The following SPRED2 variants were observed in gnomAD, a reference collection of about 807,000 sequenced individuals.
SPRED2 encodes sprouty-related, EVH1 domain-containing protein 2.
In SPRED2, 47 loss-of-function variants were observed where a neutral mutation model predicts 43.0. That is an observed-to-expected ratio of 1.09 (90% CI 0.87 to 1.40). SPRED2 has a LOEUF of 1.40. Among genes scored for constraint, SPRED2 ranks in the 40% most tolerant of loss-of-function variants. The pLI, the probability that SPRED2 is intolerant of heterozygous loss-of-function variation, is 0.00. For missense variants in SPRED2, 561 were observed against 586.4 expected, an observed-to-expected ratio of 0.96 and a Z score of 0.45; for synonymous variants, 225 against 225.7, an observed-to-expected ratio of 1.00 and a Z score of 0.03.
chr2:65,332,466 A>G (rs1475167968), intron 3 of SPRED2, among the ~76,000 whole-genome samples: 2 of 152,244 alleles, frequency 1.3e-5, no homozygotes, highest in Non-Finnish European at 2.9e-5. Flanking sequence ...ACCTGCCACA[A>G]TCTACTGTGT....
chr2:65,316,954 A>G (rs1673259356), intron 4 of SPRED2, 71 bp from the exon 5 acceptor site: 29 of 1,496,338 alleles, frequency 1.9e-5, no homozygotes, highest in South Asian at 8.5e-5. Flanking sequence ...AAACCCTGAC[A>G]TGCACTATTC....
chr2:65,316,808 A>G lies in SPRED2; in HGVS notation c.514T>C (p.Cys172Arg). 4 of 1,613,718 alleles carry G rather than the reference A, an allele frequency of 2.5e-6. No homozygotes were observed. Among genetic ancestry groups the G allele is most frequent in the Non-Finnish European group, 3.4e-6 (4 of 1,179,870 alleles). Residue 172 changes from cysteine to arginine, a missense_variant, in exon 5 of 6, where the codon TGT becomes CGT. Transcript: ENST00000356388. Reference sequence around the variant, plus strand: ...AGGGTATAAATCCTCCGGTGCTCACAGGATGTGGGAGAGGAGATTGTCCGA... The same window carrying G: ...AGGGTATAAATCCTCCGGTGCTCACGGGATGTGGGAGAGGAGATTGTCCGA... Reference protein sequence around the residue: ...PTRTISSPTSCEHRRIYTLGH... With the variant: ...PTRTISSPTSREHRRIYTLGH...
intron 4 of SPRED2, among the ~76,000 whole-genome samples, chr2:65,327,503 A>T (rs748713738): frequency 2.0e-5 from 3 of 152,108 alleles, no homozygotes; most frequent in Non-Finnish European, 4.4e-5. Context: ...CGATAAAAAG[A>T]TCCTCCTCTT....
rs767767758 is a variant in SPRED2 at position 65,311,917 on chromosome 2, AAAG to A, written c.*1581_*1583del. 4.0e-5 allele frequency: 39 copies of A among 985,302 alleles called. No homozygotes were observed. Among genetic ancestry groups the A allele is most frequent in the Non-Finnish European group, 4.3e-5 (36 of 829,948 alleles). 61.0% of individuals were successfully genotyped at this position (985,302 alleles called of 1,614,324 possible). A position where few individuals can be genotyped will look rare whatever the true frequency, so the allele number is the denominator to read the frequency against. On this transcript the variant is annotated 3_prime_UTR_variant, in exon 6 of 6. Coordinates refer to ENST00000356388, the MANE Select transcript of SPRED2 (RefSeq NM_181784.3). ...TGAAGACTGGTGTCCTGTGTGCAAT[AAAG>A]AAGGAGTGGGGAAAGGGAGTGGGGA...
intron 1 of SPRED2, among the ~76,000 whole-genome samples, chr2:65,404,187 C>G (rs1675969192): frequency 6.9e-6 from 1 of 144,224 alleles, no homozygotes; most frequent in Non-Finnish European, 1.5e-5. Flanking sequence ...GCCTGGGCAA[C>G]AGAGTGAGAC....
intron 2 of SPRED2, among the ~76,000 whole-genome samples, chr2:65,338,925 A>C (rs1674074620): frequency 6.6e-6 from 1 of 151,804 alleles, no homozygotes; most frequent in Non-Finnish European, 1.5e-5. Context: ...ATCGTCTGAG[A>C]TGTGGGGAGC....
At chr2:65,341,099 A>G (rs1037393804) in intron 2 of SPRED2, among the ~76,000 whole-genome samples, 1 of 73,358 alleles carries the variant, frequency 1.4e-5, no homozygotes, top group Admixed American at 1.9e-4. Flanking sequence ...GAGACTGGGT[A>G]CGGGCGTGTG....
chr2:65,316,906 G>C (rs1190890210), intron 4 of SPRED2, 23 bp from the exon 5 acceptor site: 4 of 1,608,316 alleles, frequency 2.5e-6, no homozygotes, highest in Admixed American at 1.7e-5. Context: ...AGGTAACCAA[G>C]AGTCAATTTA....
At chr2:65,353,926 C>T (rs902654578) in intron 1 of SPRED2, among the ~76,000 whole-genome samples, 9 of 152,090 alleles carry the variant, frequency 5.9e-5, no homozygotes, top group African/African-American at 2.2e-4. Context: ...AATGGATGCT[C>T]TGCCCAGCTG....
rs776512353 is a variant in SPRED2, at chr2:65,401,937, G to GCGCGCGCACACACACA, written c.26+30024_26+30025insTGTGTGTGTGCGCGCG. On this transcript the variant is annotated intron_variant, in intron 1 of 5. Transcript: ENST00000356388. ...ACGATCAGAATATTAGCGCGCGCGC[G>GCGCGCGCACACACACA]CACACACACACACACACACACACAC... Among the ~76,000 whole-genome samples, 649 of 114,728 alleles carry GCGCGCGCACACACACA rather than the reference G, an allele frequency of 5.7e-3. 3 individuals are homozygous for GCGCGCGCACACACACA. The highest frequency in any genetic ancestry group is 8.5e-3 in the Middle Eastern group (2 of 236). The allele number at this position is 114,728 out of a possible 152,430, so 75.3% of individuals were successfully genotyped here.
intron 2 of SPRED2, among the ~76,000 whole-genome samples, chr2:65,339,888 T>C (rs1349151491): frequency 6.6e-6 from 1 of 152,128 alleles, no homozygotes; most frequent in East Asian, 1.9e-4. Flanking sequence ...TATTAAAATA[T>C]TTCTCCCCTT....
At chr2:65,391,516 C>T (rs944231275) in intron 1 of SPRED2, among the ~76,000 whole-genome samples, 2 of 152,166 alleles carry the variant, frequency 1.3e-5, no homozygotes, top group Admixed American at 1.3e-4. Context: ...TATTGCCCAT[C>T]TTATTAACAT....
rs762829669 is a variant in SPRED2 at position 65,314,052 on chromosome 2, C to T, written c.706G>A (p.Val236Ile). The T allele has an allele frequency of 1.9e-6, 3 of 1,614,146 alleles. No homozygotes were observed. The highest frequency in any genetic ancestry group is 2.5e-6 in the Non-Finnish European group (3 of 1,180,016). The change falls in exon 6 of 6, where the codon GTC (valine) becomes ATC (isoleucine). Residue 236 changes from valine to isoleucine, a missense_variant. This residue lies in a region of SPRED2 where 164 missense variants were observed against 164.1 expected (regional missense o/e 1.00). Transcript: ENST00000356388. ...GAGGGGTCCGGGTACTTGCCCCTGA[C>T]GGGTGCGTGCCGGTAATCCTCGTAC... ...TGYEDYRHAPVRGKYPDPSED... is the reference protein window; with the variant it reads ...TGYEDYRHAPIRGKYPDPSED...
chr2:65,420,172 T>C (rs1277782475), intron 1 of SPRED2, among the ~76,000 whole-genome samples: 2 of 134,596 alleles, frequency 1.5e-5, no homozygotes, highest in Admixed American at 1.8e-4. Context: ...ACTGCACCAC[T>C]GCATTCCAGC....
chr2:65,344,538 GA>G (rs1159314277), intron 2 of SPRED2, 180 bp downstream of exon 2: 3 of 775,310 alleles, frequency 3.9e-6, no homozygotes, highest in Non-Finnish European at 6.8e-6. Flanking sequence ...GACTTTGCTG[GA>G]AAGGACAGTC....
Position 65,432,286 on chromosome 2 carries a change from C to G in SPRED2, c.-299G>C. The G allele has an allele frequency of 6.6e-6, 2 of 303,424 alleles. No homozygotes were observed. Among genetic ancestry groups the G allele is most frequent in the South Asian group, 8.1e-5 (2 of 24,582 alleles). The allele number at this position is 303,424 out of a possible 1,614,324, so 18.8% of individuals were successfully genotyped here. ...GGGGCGAGATTTGGGAAGGGGACGGCGGTGGGGGAGAGCAGGAGAAAAACA... is the reference window on the plus strand; with the variant it reads ...GGGGCGAGATTTGGGAAGGGGACGGGGGTGGGGGAGAGCAGGAGAAAAACA... On this transcript the variant is annotated 5_prime_UTR_variant, in exon 1 of 6. Coordinates refer to ENST00000356388, the MANE Select transcript of SPRED2 (RefSeq NM_181784.3).
At chr2:65,367,714 TTC>T (rs936319967) in intron 1 of SPRED2, among the ~76,000 whole-genome samples, 1 of 152,186 alleles carries the variant, frequency 6.6e-6, no homozygotes. Flanking sequence ...TCCTTATGCA[TTC>T]TCTGAGGACA....
At chr2:65,382,047 G>A (rs1166326005) in intron 1 of SPRED2, among the ~76,000 whole-genome samples, 1 of 152,198 alleles carries the variant, frequency 6.6e-6, no homozygotes, top group Non-Finnish European at 1.5e-5. Context: ...AGAAGGGAGG[G>A]GGAACTGGTC....
chr2:65,340,905 T>C (rs1015086761), intron 2 of SPRED2, among the ~76,000 whole-genome samples: 1 of 152,206 alleles, frequency 6.6e-6, no homozygotes, highest in Non-Finnish European at 1.5e-5. Context: ...TTCCACCTTT[T>C]AGAGGGGGGT....
Sources: gnomAD v4.1 joint callset for allele counts (sites outside exome capture counted in the v4.1 genomes callset) on GRCh38, gnomAD v4.1.1 for gene constraint, gnomAD v4.1.1 regional missense constraint, MANE v1.5 for transcripts, NCBI Gene and HGNC (gene_info 2026-07-23, HGNC 2026-07-21) for gene names.